The following APTX variants were observed in gnomAD, a reference collection of about 807,000 sequenced individuals.
APTX encodes aprataxin.
Under a neutral mutation model 42.3 loss-of-function variants are expected in APTX, and 33 were observed. That is an observed-to-expected ratio of 0.78 (90% confidence interval 0.59 to 1.04). The LOEUF (loss-of-function observed/expected upper bound fraction) is 1.04. APTX is among the 50% of genes least tolerant of loss of function. APTX has a pLI of 0.00. For missense variants in APTX, 421 were observed against 415.1 expected (o/e 1.01, Z -0.12); for synonymous variants, 130 against 146.7 (o/e 0.89, Z 0.82).
In APTX at chr9:32,986,043, C is replaced by CA. The variant is rs752438493; in HGVS notation, c.484-14dup. 2,644 of 984,984 alleles carry CA rather than the reference C, an allele frequency of 2.7e-3. 13 individuals carry two copies. Among genetic ancestry groups the CA allele is most frequent in the South Asian group, 7.3e-3 (440 of 60,488 alleles). The allele number at this position is 984,984 out of a possible 1,614,324, so 61.0% of individuals were successfully genotyped here. A position where few individuals can be genotyped will look rare whatever the true frequency, so the allele number is the denominator to read the frequency against. Reference sequence around the variant, plus strand: ...GGCCCAGGGATTCCTAAAAAAAAAACAAAAAAAAAAACAAAAAAAAAAAAA... The same window carrying CA: ...GGCCCAGGGATTCCTAAAAAAAAAACAAAAAAAAAAAACAAAAAAAAAAAAA... On this transcript the variant is annotated splice_polypyrimidine_tract_variant and intron_variant, in intron 4 of 7. Transcript: ENST00000379817.
chr9:33,003,946 T>C (rs1836935959), upstream of APTX, among the ~76,000 whole-genome samples: 1 of 152,238 alleles, frequency 6.6e-6, no homozygotes, highest in Non-Finnish European at 1.5e-5. Context: ...AATGCTGCTA[T>C]GAACATGAGT....
chr9:32,981,716 T>C (rs1830714751), intron 6 of APTX, among the ~76,000 whole-genome samples: 1 of 152,162 alleles, frequency 6.6e-6, no homozygotes, highest in Admixed American at 6.5e-5. Context: ...ACAAAATAAT[T>C]ATAGTATTGA....
At chr9:33,003,130 C>T (rs909555599), upstream of APTX, among the ~76,000 whole-genome samples, 2 of 152,172 alleles carry the variant, frequency 1.3e-5, no homozygotes, top group African/African-American at 2.4e-5. Context: ...AAGGGTGCTT[C>T]TTTGACCTGC....
intron 4 of APTX, among the ~76,000 whole-genome samples, chr9:32,986,848 G>A (rs1278029278): frequency 1.3e-4 from 20 of 151,758 alleles, no homozygotes; most frequent in African/African-American, 3.6e-4. Context: ...TCGCTCTGTC[G>A]CCCAGGCTGG....
chr9:33,015,962 C>T (rs1587661419), intron 1 of APTX: 1 of 152,142 alleles, frequency 6.6e-6, no homozygotes, highest in African/African-American at 2.4e-5. Flanking sequence ...AGTTAGAATA[C>T]ATTTGACAAG....
intron 6 of APTX, among the ~76,000 whole-genome samples, chr9:32,981,160 A>G (rs1168504803): frequency 1.3e-5 from 2 of 152,226 alleles, no homozygotes; most frequent in African/African-American, 4.8e-5. Flanking sequence ...ACTGTACTCT[A>G]GTTAGTAAAT....
chr9:32,986,070 A>AC, intron 4 of APTX, 40 bp from the exon 5 acceptor site: 1 of 1,438,954 alleles, frequency 6.9e-7, no homozygotes, highest in Non-Finnish European at 9.6e-7. Context: ...AAAAAAAAAA[A>AC]CAAGCAATGT....
At chr9:32,978,335 G>A (rs990199817) in intron 6 of APTX, among the ~76,000 whole-genome samples, 4 of 152,174 alleles carry the variant, frequency 2.6e-5, no homozygotes, top group African/African-American at 9.7e-5. Context: ...GTAGATCAGG[G>A]AATTTCTTTA....
chr9:33,004,650 T>TTTTTTA, upstream of APTX, among the ~76,000 whole-genome samples: 4 of 132,994 alleles, frequency 3.0e-5, no homozygotes, highest in Non-Finnish European at 6.6e-5. Context: ...TTTTTTTTTT[T>TTTTTTA]GAGATGGAGT....
In APTX at chr9:32,989,774, A is replaced by G; in HGVS notation, c.118T>C (p.Cys40Arg). ...GPETKITDKKCSRQQVQLKAE... is the reference protein window; with the variant it reads ...GPETKITDKKRSRQQVQLKAE... ...GACCAGTTACCTTGCTGTCGAGAACATTTCTTATCAGTGATCTTGGTCTCT... is the reference window on the plus strand; with the variant it reads ...GACCAGTTACCTTGCTGTCGAGAACGTTTCTTATCAGTGATCTTGGTCTCT... Residue 40 changes from cysteine (C) to arginine (R), a missense_variant, in exon 2 of 8, where the codon TGT becomes CGT. Cys to Arg is a radical substitution (Grantham distance 180, BLOSUM62 -3). Coordinates refer to ENST00000379817, the MANE Select transcript of APTX (RefSeq NM_001195248.2). 2 of 1,614,240 alleles carry G rather than the reference A, an allele frequency of 1.2e-6. No homozygotes were observed. Among genetic ancestry groups the G allele is most frequent in the Admixed American group, 3.3e-5 (2 of 60,030 alleles).
Position 33,019,903 on chromosome 9 carries a change from A to T in APTX, c.-5+5120T>A, listed in dbSNP as rs1838231762. On this transcript the variant is annotated intron_variant, in intron 1 of 6. Coordinates refer to the APTX transcript ENST00000436040. ...CATCTGGAGCCAGGGACCCATGGGCAATTTCCACCTCTAAGGGGGTCGGGA... is the reference window on the plus strand; with the variant it reads ...CATCTGGAGCCAGGGACCCATGGGCTATTTCCACCTCTAAGGGGGTCGGGA... 7.1e-6 allele frequency: 4 copies of T among 564,188 alleles called. No homozygotes were observed. The South Asian group carries it at 1.0e-4, about 15-fold the overall frequency. 34.9% of individuals were successfully genotyped at this position (564,188 alleles called of 1,614,324 possible).
rs1432314313 is a variant in APTX, at chr9:33,019,916, A to G, written c.-5+5107T>C. The stretch of plus-strand genomic sequence containing the variant: ...GGACCCATGGGCAATTTCCACCTCT[A>G]AGGGGGTCGGGAAAGGCACGCTGAG... On this transcript the variant is annotated intron_variant, in intron 1 of 6. Transcript: ENST00000436040. The G allele has an allele frequency of 5.7e-6, 3 of 523,810 alleles. No individual in the cohort carries two copies. In the East Asian group the frequency reaches 9.6e-5, roughly 17 times the overall value. The allele number at this position is 523,810 out of a possible 1,614,324, so 32.4% of individuals were successfully genotyped here.
chr9:33,016,578 G>T (rs1008909057), intron 1 of APTX, among the ~76,000 whole-genome samples: 7 of 152,024 alleles, frequency 4.6e-5, no homozygotes, highest in African/African-American at 1.7e-4. Context: ...TTTCTACCAG[G>T]CTGGAGCTTT....
chr9:33,003,439 G>A (rs1378840627), upstream of APTX, among the ~76,000 whole-genome samples: 2 of 152,140 alleles, frequency 1.3e-5, no homozygotes, highest in Non-Finnish European at 2.9e-5. Context: ...CCAGCACTTT[G>A]GGAGGCCAAC....
intron 1 of APTX, among the ~76,000 whole-genome samples, chr9:32,993,150 T>C (rs1834030145): frequency 1.3e-5 from 2 of 152,190 alleles, no homozygotes; most frequent in South Asian, 4.1e-4. Context: ...GGCTGGCAGA[T>C]GCAGGATAAT....
At chr9:32,980,621 GAA>G (rs1830478591) in intron 6 of APTX, among the ~76,000 whole-genome samples, 1 of 152,250 alleles carries the variant, frequency 6.6e-6, no homozygotes, top group Non-Finnish European at 1.5e-5. Context: ...GGAACATGGA[GAA>G]ACCAGTTAAG....
chr9:33,021,756 G>A (rs1838401063), intron 1 of APTX, among the ~76,000 whole-genome samples: 1 of 152,090 alleles, frequency 6.6e-6, no homozygotes, highest in Non-Finnish European at 1.5e-5. Context: ...GAAAAATAAA[G>A]ATCAGTTACT....
At chr9:33,016,677 C>A (rs1022679863) in intron 1 of APTX, among the ~76,000 whole-genome samples, 1 of 151,698 alleles carries the variant, frequency 6.6e-6, no homozygotes, top group East Asian at 1.9e-4. Context: ...ACTCCCCCCC[C>A]CATTTTTTTA....
At chr9:33,019,936 G>A (rs1838236027) in intron 1 of APTX, 4 of 493,512 alleles carry the variant, frequency 8.1e-6, no homozygotes, top group South Asian at 3.6e-5. Flanking sequence ...GGAAAGGCAC[G>A]CTGAGGGTGA....
Sources: gnomAD v4.1 joint callset for allele counts (sites outside exome capture counted in the v4.1 genomes callset) on GRCh38, gnomAD v4.1.1 for gene constraint, MANE v1.5 for transcripts, NCBI Gene and HGNC (gene_info 2026-07-23, HGNC 2026-07-21) for gene names.